The following NBPF19 variants were observed in gnomAD, a reference collection of about 807,000 sequenced individuals.
The protein encoded by NBPF19 is NBPF family member NBPF19.
A neutral mutation model predicts 45.9 loss-of-function variants in NBPF19; 30 were observed. That is an observed-to-expected ratio of 0.65 (90% CI 0.49 to 0.89). NBPF19 has a LOEUF of 0.89. Among genes scored for constraint, NBPF19 ranks in the 40% least tolerant of loss-of-function variants. The pLI, the probability that NBPF19 is intolerant of heterozygous loss-of-function variation, is 0.00. For synonymous variants in NBPF19, 183 were observed against 181.2 expected, an observed-to-expected ratio of 1.01 and a Z score of -0.08; for missense variants, 495 against 471.8, an observed-to-expected ratio of 1.05 and a Z score of -0.46.
intron 2 of NBPF19, among the ~76,000 whole-genome samples, 170 bp downstream of exon 2, chr1:149,476,277 GTATT>G (rs1237903991): frequency 8.2e-6 from 1 of 121,540 alleles, no homozygotes; most frequent in East Asian, 2.5e-4. Context: ...AGGTGCCAAA[GTATT>G]TAGCAACTTT....
intron 2 of NBPF19, among the ~76,000 whole-genome samples, chr1:149,477,694 C>T (rs1281210793): frequency 6.6e-6 from 1 of 151,270 alleles, no homozygotes; most frequent in Non-Finnish European, 1.5e-5. Context: ...GACTCCACTT[C>T]GTTGTGGTTG....
chr1:149,554,420 A>T, intron 93 of NBPF19, 75 bp from the exon 94 acceptor site: 2 of 1,606,552 alleles, frequency 1.2e-6, no homozygotes, highest in East Asian at 2.2e-5. Flanking sequence ...TCCTTATGTG[A>T]CTTCTGAAAT....
intron 5 of NBPF19, 135 bp downstream of exon 5, chr1:149,480,349 CT>C: frequency 1.2e-6 from 1 of 836,486 alleles, no homozygotes; most frequent in Non-Finnish European, 2.0e-6. Flanking sequence ...TATAATCCAG[CT>C]TAGACACAGG....
chr1:149,487,805 G>GTGTGTGTGTGTGTGTGTT, intron 9 of NBPF19, among the ~76,000 whole-genome samples: 1 of 148,366 alleles, frequency 6.7e-6, no homozygotes, highest in South Asian at 2.2e-4. Context: ...GTGTGTGTGT[G>GTGTGTGTGTGTGTGTGTT]TGTGTGTGTG....
At chr1:149,484,004 C>T (rs2085362536) in intron 7 of NBPF19, among the ~76,000 whole-genome samples, 1 of 12,428 alleles carries the variant, frequency 8.0e-5, no homozygotes. Flanking sequence ...TGGGTGTATA[C>T]CCAAAGGATT....
intron 4 of NBPF19, 131 bp downstream of exon 4, chr1:149,479,225 C>G (rs2101553355): frequency 8.8e-7 from 1 of 1,142,590 alleles, no homozygotes; most frequent in East Asian, 2.4e-5. Context: ...ATGACATGAT[C>G]AGGACTTCCT....
chr1:149,478,807 G>T, intron 3 of NBPF19, 73 bp from the exon 4 acceptor site: 2 of 1,362,906 alleles, frequency 1.5e-6, no homozygotes, highest in East Asian at 2.3e-5. Context: ...TGTCTCAGAA[G>T]TCTCTGTTGC....
At chr1:149,477,757 T>G (rs2084929810) in intron 2 of NBPF19, among the ~76,000 whole-genome samples, 188 bp from the exon 3 acceptor site, 2 of 151,244 alleles carry the variant, frequency 1.3e-5, no homozygotes, top group Non-Finnish European at 3.0e-5. Context: ...TTCTTCGTCT[T>G]TAAATTTTGG....
rs1245512678 is a variant in NBPF19, at chr1:149,556,193, C to T, written c.*1455C>T. On this transcript the variant is annotated 3_prime_UTR_variant, in exon 94 of 94. Coordinates refer to ENST00000651566, the MANE Select transcript of NBPF19 (RefSeq NM_001351365.2). The stretch of plus-strand genomic sequence containing the variant: ...TGCAAAAAGAAGAAAACATTCTCTG[C>T]CTGAGTTTTAATTTTTGTCCAAAGT... 1.4e-4 allele frequency: 21 copies of T among 147,460 alleles called. 1 individual carries two copies. Among genetic ancestry groups the T allele is most frequent in the African/African-American group, 7.5e-5 (3 of 39,984 alleles). 9.1% of individuals were successfully genotyped at this position (147,460 alleles called of 1,614,324 possible).
intron 13 of NBPF19, among the ~76,000 whole-genome samples, chr1:149,490,778 C>T (rs1449161402): frequency 1.6e-5 from 1 of 61,922 alleles, no homozygotes; most frequent in Non-Finnish European, 2.9e-5. Context: ...TTATTGAGCA[C>T]AGTCTTTTCA....
Position 149,486,579 on chromosome 1 carries a change from A to G in NBPF19, c.988+286A>G, listed in dbSNP as rs1408094398. ...AGGTGTGGCAAACTCACACCAAACT[A>G]TGTAGCACATGCCCAGGAGTTGTCT... On this transcript the variant is annotated intron_variant, in intron 8 of 93. Transcript: ENST00000651566. Among the ~76,000 whole-genome samples, 45 of 151,374 alleles carry G rather than the reference A, an allele frequency of 3.0e-4. 1 individual carries two copies. The highest frequency in any genetic ancestry group is 4.9e-4 in the Non-Finnish European group (33 of 67,688).
chr1:149,488,330 T>C, intron 10 of NBPF19, 145 bp downstream of exon 10: 1 of 629,206 alleles, frequency 1.6e-6, no homozygotes, highest in East Asian at 3.1e-5. Flanking sequence ...AATGAAACTC[T>C]AGTTCCACTT....
chr1:149,488,135 C>A lies in NBPF19; in HGVS notation c.1163C>A (p.Ala388Asp). ...LTDSCQPYRS[A>D]FYVLEQQRVG... ...GACTCATGCCAGCCCTACAGAAGTG[C>A]CTTTTACGTATTGGAGCAACAGCGT... The change falls in exon 10 of 94, where the codon GCC becomes GAC. Residue 388 changes from alanine to aspartate, a missense_variant. Ala to Asp is a moderately radical substitution (Grantham distance 126). This residue lies in a region of NBPF19 where 146 missense variants were observed against 67.3 expected (regional missense o/e 2.17). Coordinates refer to ENST00000651566, the MANE Select transcript of NBPF19 (RefSeq NM_001351365.2). 1 of 676,290 alleles carries A rather than the reference C, an allele frequency of 1.5e-6. No homozygotes were observed. Among genetic ancestry groups the A allele is most frequent in the Non-Finnish European group, 2.7e-6 (1 of 374,240 alleles). 41.9% of individuals were successfully genotyped at this position (676,290 alleles called of 1,614,324 possible).
intron 4 of NBPF19, among the ~76,000 whole-genome samples, 153 bp downstream of exon 4, chr1:149,479,247 G>A (rs1465524731): frequency 6.7e-6 from 1 of 149,574 alleles, no homozygotes; most frequent in Non-Finnish European, 1.5e-5. Flanking sequence ...GGTAAGAACA[G>A]AGATGGGAAA....
chr1:149,483,764 G>T (rs1157880439), intron 7 of NBPF19, among the ~76,000 whole-genome samples: 1 of 63,606 alleles, frequency 1.6e-5, no homozygotes, highest in Admixed American at 1.9e-4. Flanking sequence ...TCTCTGTAAA[G>T]GATTTATTTC....
At chr1:149,478,294 C>CAAATTT (rs1486376336) in intron 3 of NBPF19, among the ~76,000 whole-genome samples, 1 of 151,118 alleles carries the variant, frequency 6.6e-6, no homozygotes, top group Non-Finnish European at 1.5e-5. Context: ...ATTTACATAA[C>CAAATTT]ACAAAATTCA....
intron 93 of NBPF19, 88 bp from the exon 94 acceptor site, chr1:149,554,407 A>G (rs1232119535): frequency 2.5e-6 from 4 of 1,603,056 alleles, no homozygotes; most frequent in Admixed American, 3.4e-5. Context: ...TTTTCTAACC[A>G]CTTCCTTATG....
At chr1:149,488,421 T>C (rs1418405876) in intron 10 of NBPF19, among the ~76,000 whole-genome samples, 3 of 140,994 alleles carry the variant, frequency 2.1e-5, no homozygotes, top group Admixed American at 1.5e-4. Flanking sequence ...CTAATCCTAC[T>C]CTCATGACGT....
At chr1:149,515,185 A>C in intron 44 of NBPF19, 77 bp downstream of exon 44, 1 of 675,470 alleles carries the variant, frequency 1.5e-6, no homozygotes, top group South Asian at 1.6e-5. Flanking sequence ...CCAAGTGGCC[A>C]TTACTGAGCT....
Sources: allele counts gnomAD v4.1 joint callset (sites outside exome capture counted in the v4.1 genomes callset), GRCh38; gene constraint gnomAD v4.1.1; regional missense constraint gnomAD v4.1.1; transcripts MANE v1.5; gene names NCBI Gene and HGNC (gene_info 2026-07-23, HGNC 2026-07-21).